The following SPTLC2 variants were observed in gnomAD, a reference collection of about 807,000 sequenced individuals.
The protein encoded by SPTLC2 is serine palmitoyltransferase 2.
In SPTLC2, 21 loss-of-function variants were observed where a neutral mutation model predicts 62.0. That is an observed-to-expected ratio of 0.34 (90% CI 0.24 to 0.49). SPTLC2 has a LOEUF of 0.49. Among genes scored for constraint, SPTLC2 ranks in the 20% least tolerant of loss-of-function variants. SPTLC2 has a pLI of 0.99. For missense variants in SPTLC2, 511 were observed against 713.0 expected (o/e 0.72, Z 3.23); for synonymous variants, 261 against 261.8 (o/e 1.00, Z 0.03).
rs200981400 is a variant in SPTLC2 at position 77,536,927 on chromosome 14, C to T, written c.1303+15169G>A. On this transcript the variant is annotated intron_variant, in intron 9 of 11. Transcript: ENST00000216484. ...AATGTCTATGTATTCCCCCACCCCCCCACTTCTTTTTTTGAGATGAAGTCT... is the reference window on the plus strand; with the variant it reads ...AATGTCTATGTATTCCCCCACCCCCTCACTTCTTTTTTTGAGATGAAGTCT... 4.0e-5 allele frequency among the ~76,000 whole-genome samples: 6 copies of T among 149,004 alleles called. No homozygotes were observed. The East Asian group carries it at 7.8e-4, about 19-fold the overall frequency.
At chr14:77,611,696 C>T (rs1301907442) in intron 1 of SPTLC2, among the ~76,000 whole-genome samples, 2 of 151,682 alleles carry the variant, frequency 1.3e-5, no homozygotes, top group Non-Finnish European at 2.9e-5. Flanking sequence ...CGTGGTGGCG[C>T]ATGCCTGTAA....
chr14:77,599,803 A>G (rs2079867589), intron 1 of SPTLC2, among the ~76,000 whole-genome samples: 1 of 152,272 alleles, frequency 6.6e-6, no homozygotes, highest in Non-Finnish European at 1.5e-5. Flanking sequence ...TTAACAACAT[A>G]ACAATATAAA....
At chr14:77,516,474 A>G (rs12433321) in intron 11 of SPTLC2, among the ~76,000 whole-genome samples, 14,157 of 152,190 alleles carry the variant, frequency 0.093, 756 homozygotes, top group Admixed American at 0.16. Context: ...ACAGGTGAAC[A>G]TGAGAAAGAA....
intron 9 of SPTLC2, among the ~76,000 whole-genome samples, chr14:77,523,520 T>A (rs1264364418): frequency 3.3e-5 from 5 of 152,032 alleles, no homozygotes; most frequent in African/African-American, 4.8e-5. Flanking sequence ...TGCTGAAGGG[T>A]CCCTTTGAAC....
intron 3 of SPTLC2, among the ~76,000 whole-genome samples, chr14:77,578,382 TTTTGTATACTGTTTC>T (rs2079728928): frequency 6.6e-6 from 1 of 152,072 alleles, no homozygotes; most frequent in Admixed American, 6.5e-5. Flanking sequence ...CAGACTAAAC[TTTTGTATACTGTTTC>T]TTATCAATAG....
intron 2 of SPTLC2, among the ~76,000 whole-genome samples, 193 bp from the exon 3 acceptor site, chr14:77,579,302 T>A (rs1008138550): frequency 6.6e-6 from 1 of 152,178 alleles, no homozygotes; most frequent in Admixed American, 6.6e-5. Flanking sequence ...ATGGTACCCA[T>A]TAAGTAATTT....
At chr14:77,521,186 G>C (rs1217990442) in intron 10 of SPTLC2, among the ~76,000 whole-genome samples, 1 of 152,162 alleles carries the variant, frequency 6.6e-6, no homozygotes, top group Non-Finnish European at 1.5e-5. Context: ...AGCTCCACAA[G>C]GACAGAGATG....
At chr14:77,515,486 T>C (rs8011528) in intron 11 of SPTLC2, among the ~76,000 whole-genome samples, 113,934 of 151,144 alleles carry the variant, frequency 0.75, 44,599 homozygotes, top group East Asian at 0.97. Context: ...GTTTTCAATA[T>C]ACACATCTAA....
intron 1 of SPTLC2, among the ~76,000 whole-genome samples, chr14:77,602,976 G>A (rs941168409): frequency 6.6e-6 from 1 of 152,068 alleles, no homozygotes; most frequent in African/African-American, 2.4e-5. Context: ...TTAAGTTTCA[G>A]GAAAATTTTT....
At chr14:77,525,824 G>A (rs2079406573) in intron 9 of SPTLC2, among the ~76,000 whole-genome samples, 1 of 152,186 alleles carries the variant, frequency 6.6e-6, no homozygotes, top group African/African-American at 2.4e-5. Flanking sequence ...TGAGGCGAGA[G>A]AATGGCATGA....
chr14:77,547,438 G>A (rs908912861), intron 9 of SPTLC2: 1 of 152,212 alleles, frequency 6.6e-6, no homozygotes, highest in African/African-American at 2.4e-5. Flanking sequence ...GTTAAAAGCT[G>A]TCAGCCCTGA....
intron 2 of SPTLC2, among the ~76,000 whole-genome samples, chr14:77,591,617 G>C (rs554106307): frequency 5.3e-5 from 8 of 152,234 alleles, no homozygotes; most frequent in African/African-American, 1.9e-4. Context: ...GTGGAGTGCA[G>C]TGGTGCAATC....
intron 1 of SPTLC2, among the ~76,000 whole-genome samples, chr14:77,610,244 G>A (rs1017830141): frequency 1.3e-5 from 2 of 152,036 alleles, no homozygotes; most frequent in African/African-American, 2.4e-5. Flanking sequence ...GGGTTCAAGC[G>A]ATTCTACTAC....
chr14:77,588,408 TA>T (rs2079794804), intron 2 of SPTLC2, among the ~76,000 whole-genome samples: 1 of 151,994 alleles, frequency 6.6e-6, no homozygotes, highest in Non-Finnish European at 1.5e-5. Flanking sequence ...AAATTCATTA[TA>T]GTTGGACGCA....
chr14:77,578,658 T>G, intron 3 of SPTLC2: 2 of 305,980 alleles, frequency 6.5e-6, no homozygotes, highest in Non-Finnish European at 1.3e-5. Context: ...AGGCGGAGGT[T>G]GCAGTGAGCT....
intron 1 of SPTLC2, among the ~76,000 whole-genome samples, chr14:77,603,878 T>C (rs1400214604): frequency 2.0e-5 from 3 of 152,106 alleles, no homozygotes. Flanking sequence ...AGCATCACGG[T>C]GTAAGAGATG....
intron 4 of SPTLC2, among the ~76,000 whole-genome samples, chr14:77,573,214 A>G (rs117165708): frequency 0.031 from 4,759 of 152,224 alleles, 115 homozygotes; most frequent in Non-Finnish European, 0.049. Flanking sequence ...GATGAAGAAA[A>G]GCTGGTAAAT....
intron 2 of SPTLC2, among the ~76,000 whole-genome samples, chr14:77,579,736 C>G (rs1347059808): frequency 2.0e-5 from 3 of 151,914 alleles, no homozygotes; most frequent in Non-Finnish European, 4.4e-5. Context: ...ACAGCAAAAA[C>G]AACAACAAAA....
At chr14:77,549,652 C>T (rs778184934) in intron 9 of SPTLC2, among the ~76,000 whole-genome samples, 2 of 152,180 alleles carry the variant, frequency 1.3e-5, no homozygotes, top group Non-Finnish European at 2.9e-5. Context: ...GTGCCCTGAC[C>T]GAATTCTTGA....
Sources: gnomAD v4.1 joint callset for allele counts (sites outside exome capture counted in the v4.1 genomes callset) on GRCh38, gnomAD v4.1.1 for gene constraint, MANE v1.5 for transcripts, NCBI Gene and HGNC (gene_info 2026-07-23, HGNC 2026-07-21) for gene names.